Variants in SLC22A23 observed in about 807,000 individuals in gnomAD.
The protein encoded by SLC22A23 is solute carrier family 22 member 23, also known as ion transporter protein.
A neutral mutation model predicts 61.0 loss-of-function variants in SLC22A23; 26 were observed. That is an observed-to-expected ratio of 0.43 (90% confidence interval 0.31 to 0.59). SLC22A23 has a LOEUF of 0.59. SLC22A23 is among the 20% of genes least tolerant of loss of function. SLC22A23 has a pLI of 0.11. For missense variants in SLC22A23, 796 were observed against 934.7 expected (o/e 0.85, Z 1.94); for synonymous variants, 430 against 413.9 (o/e 1.04, Z -0.47).
intron 3 of SLC22A23, among the ~76,000 whole-genome samples, chr6:3,369,862 G>A (rs1187631489): frequency 6.6e-6 from 1 of 152,204 alleles, no homozygotes; most frequent in Non-Finnish European, 1.5e-5. Flanking sequence ...GGTTTTCAAT[G>A]AATCTCAAGC....
intron 3 of SLC22A23, among the ~76,000 whole-genome samples, chr6:3,334,728 T>G (rs1485863573): frequency 6.6e-6 from 1 of 152,188 alleles, no homozygotes; most frequent in African/African-American, 2.4e-5. Context: ...CATCGCCCGG[T>G]GCTTGCCCAG....
rs1052403125 is a variant in SLC22A23 at position 3,297,559 on chromosome 6, G to A, written c.1210+532C>T. 2.6e-5 allele frequency among the ~76,000 whole-genome samples: 4 copies of A among 152,186 alleles called. No homozygotes were observed. Among genetic ancestry groups the A allele is most frequent in the African/African-American group, 9.7e-5 (4 of 41,434 alleles). ...GGTGATACGTGGATCCCCAGGTTGA[G>A]AACCCCCACCTAGCTGTGGTAACGC... On this transcript the variant is annotated intron_variant, in intron 5 of 9. Coordinates refer to ENST00000406686, the MANE Select transcript of SLC22A23 (RefSeq NM_015482.2). This position sits in a 1 kb window ranked among gnomAD's most constrained non-coding sequence, Gnocchi z 4.3.
chr6:3,436,914 C>T (rs1261498534), intron 1 of SLC22A23, among the ~76,000 whole-genome samples: 2 of 152,202 alleles, frequency 1.3e-5, no homozygotes, highest in African/African-American at 4.8e-5. Flanking sequence ...TGCTGTGTGT[C>T]GTTGCTTCCC....
At position 3,270,802 on chromosome 6, in the gene SLC22A23, A is replaced by C. The variant is rs1758427575; in HGVS notation, c.*2253T>G. 6.6e-6 allele frequency: 1 copy of C among 152,012 alleles called. No individual in the cohort carries two copies. The highest frequency in any genetic ancestry group is 2.4e-5 in the African/African-American group (1 of 41,296). The allele number at this position is 152,012 out of a possible 1,614,324, so 9.4% of individuals were successfully genotyped here. On this transcript the variant is annotated 3_prime_UTR_variant, in exon 10 of 10. Transcript: ENST00000406686. ...CTGTCCCTTGCCACCAACTTCCTAG[A>C]GATTTCGGGCAGCACTCTACAGCTT... is the stretch of plus-strand genomic sequence containing the variant.
intron 1 of SLC22A23, among the ~76,000 whole-genome samples, chr6:3,436,301 A>G (rs116821189): frequency 0.027 from 4,040 of 151,962 alleles, 188 homozygotes; most frequent in African/African-American, 0.091. Context: ...ACGTCCAGCT[A>G]TTTTTTGTAT....
intron 3 of SLC22A23, among the ~76,000 whole-genome samples, chr6:3,405,111 A>T (rs1768715660): frequency 6.6e-6 from 1 of 152,048 alleles, no homozygotes; most frequent in African/African-American, 2.4e-5. Flanking sequence ...ATACAAAAAA[A>T]TTAGTTGGAT....
intron 4 of SLC22A23, among the ~76,000 whole-genome samples, chr6:3,300,601 A>C (rs956220090): frequency 5.3e-5 from 8 of 152,208 alleles, no homozygotes; most frequent in African/African-American, 1.4e-4. Context: ...TGAGCAATAA[A>C]TTTCTGTTGT....
intron 1 of SLC22A23, chr6:3,444,789 G>C (rs1192100647): frequency 1.0e-6 from 1 of 985,346 alleles, no homozygotes; most frequent in Non-Finnish European, 1.2e-6. Flanking sequence ...CCATCACCCT[G>C]GATGCAGGCT....
chr6:3,271,635 G>GA lies in SLC22A23; in HGVS notation c.*1419dup, dbSNP rs1758481069. The GA allele has an allele frequency of 2.0e-5, 3 of 152,384 alleles. 1 individual carries two copies. In the South Asian group the frequency reaches 6.2e-4, roughly 32 times the overall value. The allele number at this position is 152,384 out of a possible 1,614,324, so 9.4% of individuals were successfully genotyped here. Reference sequence around the variant, plus strand: ...GGGATGAGTTGGACAATGCCAGTAAGAAGCCAGGCTGTCCAGAAAAGCTGG... The same window carrying GA: ...GGGATGAGTTGGACAATGCCAGTAAGAAAGCCAGGCTGTCCAGAAAAGCTGG... On this transcript the variant is annotated 3_prime_UTR_variant, in exon 10 of 10. Transcript: ENST00000406686.
chr6:3,456,173 G>T lies in SLC22A23; in HGVS notation c.387C>A (p.Arg129=). Residue 129 remains arginine, a synonymous_variant, in exon 1 of 10, where the codon CGC becomes CGA. Coordinates refer to ENST00000406686, the MANE Select transcript of SLC22A23 (RefSeq NM_015482.2). This position sits in a 1 kb window ranked among gnomAD's most constrained non-coding sequence, Gnocchi z 7.1. ...FLLDQPNFWC[R]GAGKGTELAG... Reference sequence around the variant, plus strand: ...CCAGCTCGGTGCCTTTGCCGGCCCCGCGGCACCAGAAGTTGGGCTGGTCCA... The same window carrying T: ...CCAGCTCGGTGCCTTTGCCGGCCCCTCGGCACCAGAAGTTGGGCTGGTCCA... The T allele has an allele frequency of 6.4e-7, 1 of 1,551,284 alleles. No homozygotes were observed. Among genetic ancestry groups the T allele is most frequent in the Non-Finnish European group, 8.7e-7 (1 of 1,146,856 alleles).
intron 3 of SLC22A23, among the ~76,000 whole-genome samples, chr6:3,371,423 T>C (rs1009161679): frequency 6.6e-6 from 1 of 152,238 alleles, no homozygotes; most frequent in Non-Finnish European, 1.5e-5. Flanking sequence ...CACAAAACAT[T>C]GAGCTTTTGA....
intron 1 of SLC22A23, among the ~76,000 whole-genome samples, chr6:3,421,524 G>A (rs879740607): frequency 6.6e-6 from 1 of 152,128 alleles, no homozygotes; most frequent in Non-Finnish European, 1.5e-5. Flanking sequence ...ATGGAAAAAC[G>A]GTGACTAGAA....
rs2127447481 is a variant in SLC22A23, at chr6:3,360,649, C to G, written c.914-36647G>C. On this transcript the variant is annotated intron_variant, in intron 3 of 9. Coordinates refer to ENST00000406686, the MANE Select transcript of SLC22A23 (RefSeq NM_015482.2). This position sits in a 1 kb window ranked among gnomAD's most constrained non-coding sequence, Gnocchi z 4.6. ...TTCCGGTCACTTATTGCTATGCTGA[C>G]TGCTCATCTAAGCCCCAGATACTGT... is the stretch of plus-strand genomic sequence containing the variant. Among the ~76,000 whole-genome samples the G allele has an allele frequency of 6.6e-6, 1 of 152,364 alleles. No homozygotes were observed. The highest frequency in any genetic ancestry group is 2.4e-5 in the African/African-American group (1 of 41,600).
In SLC22A23 at chr6:3,387,247, C is replaced by T. The variant is rs558928155; in HGVS notation, c.913+22941G>A. 7.2e-5 allele frequency among the ~76,000 whole-genome samples: 11 copies of T among 152,322 alleles called. No homozygotes were observed. The South Asian group carries it at 1.2e-3, about 17-fold the overall frequency. On this transcript the variant is annotated intron_variant, in intron 3 of 9. Transcript: ENST00000406686. This position sits in a 1 kb window ranked among gnomAD's most constrained non-coding sequence, Gnocchi z 5.0. The stretch of plus-strand genomic sequence containing the variant: ...CCCCATCTCAACTGAGGAAGGTTAG[C>T]GTGACCAGTGACAGCTCACGCTGAC...
rs542103930 is a variant in SLC22A23 at position 3,295,209 on chromosome 6, G to A, written c.1210+2882C>T. Reference sequence around the variant, plus strand: ...ATAAGGAACCCTGCAATTACTCGTCGTAGCTGGGATGAGGGGAAGCGGGGA... The same window carrying A: ...ATAAGGAACCCTGCAATTACTCGTCATAGCTGGGATGAGGGGAAGCGGGGA... On this transcript the variant is annotated intron_variant, in intron 5 of 9. Coordinates refer to ENST00000406686, the MANE Select transcript of SLC22A23 (RefSeq NM_015482.2). Among the ~76,000 whole-genome samples, 63 of 152,228 alleles carry A rather than the reference G, an allele frequency of 4.1e-4. 1 individual carries two copies. Among genetic ancestry groups the A allele is most frequent in the South Asian group, 4.1e-4 (2 of 4,836 alleles).
chr6:3,274,510 C>T (rs1758718132), intron 9 of SLC22A23, among the ~76,000 whole-genome samples: 1 of 152,156 alleles, frequency 6.6e-6, no homozygotes, highest in Non-Finnish European at 1.5e-5. Flanking sequence ...AGGGCTGTAT[C>T]CTTTGAACTG....
At chr6:3,378,303 G>A (rs1766715410) in intron 3 of SLC22A23, among the ~76,000 whole-genome samples, 1 of 152,154 alleles carries the variant, frequency 6.6e-6, no homozygotes, top group Non-Finnish European at 1.5e-5. Context: ...AGGCATGGGT[G>A]GTGAGAACCA....
At chr6:3,314,433 A>G (rs1425732093) in intron 4 of SLC22A23, among the ~76,000 whole-genome samples, 1 of 152,096 alleles carries the variant, frequency 6.6e-6, no homozygotes, top group African/African-American at 2.4e-5. Flanking sequence ...CGTCAGCAAC[A>G]CCGCATCTCT....
chr6:3,305,681 A>G (rs1202252063), intron 4 of SLC22A23, among the ~76,000 whole-genome samples: 2 of 152,254 alleles, frequency 1.3e-5, no homozygotes, highest in Non-Finnish European at 2.9e-5. Flanking sequence ...GCTGAGCCTC[A>G]GAGAAATTGA....
Sources: gnomAD v4.1 joint callset for allele counts (sites outside exome capture counted in the v4.1 genomes callset) on GRCh38, gnomAD v4.1.1 for gene constraint, Gnocchi (gnomAD v3.1) non-coding constraint, MANE v1.5 for transcripts, NCBI Gene and HGNC (gene_info 2026-07-23, HGNC 2026-07-21) for gene names.